RALGPS2: variants seen among roughly 807,000 people sequenced by gnomAD.
RALGPS2 encodes ras-specific guanine nucleotide-releasing factor RalGPS2.
A neutral mutation model predicts 86.8 loss-of-function variants in RALGPS2; 43 were observed. That is an observed-to-expected ratio of 0.50 (90% CI 0.39 to 0.64). RALGPS2 has a LOEUF of 0.64. RALGPS2 is among the 30% of genes least tolerant of loss of function. The probability of loss-of-function intolerance (pLI) is 0.00; values close to 1 mark genes in which losing one functional copy is unlikely to be tolerated. For synonymous variants in RALGPS2, 243 were observed against 231.3 expected (o/e 1.05, Z -0.46); for missense variants, 536 against 694.6 (o/e 0.77, Z 2.57).
At chr1:178,804,546 C>G (rs535900922) in intron 4 of RALGPS2, among the ~76,000 whole-genome samples, 1 of 134,076 alleles carries the variant, frequency 7.5e-6, no homozygotes, top group Non-Finnish European at 1.6e-5. Context: ...TTTGTTCTTG[C>G]GATAGTTTAC....
intron 1 of RALGPS2, among the ~76,000 whole-genome samples, chr1:178,748,618 T>A (rs1007431048): frequency 4.0e-5 from 6 of 151,440 alleles, no homozygotes; most frequent in Admixed American, 2.6e-4. Context: ...TTTGGGAGGC[T>A]GAGGCAGGTG....
chr1:178,771,716 G>A (rs1443399181), intron 1 of RALGPS2, among the ~76,000 whole-genome samples: 2 of 152,004 alleles, frequency 1.3e-5, no homozygotes, highest in East Asian at 1.9e-4. Flanking sequence ...TAAACCTAGC[G>A]ATAACCACAT....
intron 8 of RALGPS2, among the ~76,000 whole-genome samples, chr1:178,854,265 A>G (rs1407114034): frequency 6.6e-6 from 1 of 152,184 alleles, no homozygotes; most frequent in African/African-American, 2.4e-5. Context: ...ATCAGAGGAT[A>G]TCAGTTTATT....
intron 19 of RALGPS2, among the ~76,000 whole-genome samples, chr1:178,910,623 T>C (rs1027987967): frequency 7.2e-5 from 11 of 152,232 alleles, no homozygotes; most frequent in Admixed American, 6.5e-5. Flanking sequence ...TACTTGATTG[T>C]GGTGAATTAA....
chr1:178,845,160 C>G (rs1656811522), intron 8 of RALGPS2, among the ~76,000 whole-genome samples: 1 of 151,138 alleles, frequency 6.6e-6, no homozygotes, highest in South Asian at 2.1e-4. Flanking sequence ...TGTTGCAGTA[C>G]TCTGTACTGC....
At chr1:178,762,191 C>CT (rs1558107421) in intron 1 of RALGPS2, among the ~76,000 whole-genome samples, 2 of 152,130 alleles carry the variant, frequency 1.3e-5, no homozygotes. Flanking sequence ...TGATGTCACT[C>CT]TTTTTTATGG....
rs1326504161 is a variant in RALGPS2 at position 178,879,010 on chromosome 1, A to C, written c.836+18A>C. On this transcript the variant is annotated intron_variant, in intron 10 of 19. Coordinates refer to ENST00000367635, the MANE Select transcript of RALGPS2 (RefSeq NM_152663.5). ...AATTACAAGTAGGTTGGATCTTCAAAAGTGGTTTGTATAACTTTGTCCTGT... is the reference window on the plus strand; with the variant it reads ...AATTACAAGTAGGTTGGATCTTCAACAGTGGTTTGTATAACTTTGTCCTGT... 1.2e-6 allele frequency: 2 copies of C among 1,610,986 alleles called. No homozygotes were observed. The highest frequency in any genetic ancestry group is 4.5e-5 in the East Asian group (2 of 44,650).
rs1659377409 is a variant in RALGPS2 at position 178,884,138 on chromosome 1, A to G, written c.904+605A>G. Among the ~76,000 whole-genome samples the G allele has an allele frequency of 3.9e-5, 6 of 152,322 alleles. No individual in the cohort carries two copies. In the South Asian group the frequency reaches 1.0e-3, roughly 26 times the overall value. On this transcript the variant is annotated intron_variant, in intron 11 of 19. Coordinates refer to ENST00000367635, the MANE Select transcript of RALGPS2 (RefSeq NM_152663.5). ...GATTAAGAATGCACTGTCCTAGGCA[A>G]TGAAGGTTGATTACACTAGAAATTT...
chr1:178,820,854 A>T (rs1465192355), intron 6 of RALGPS2, among the ~76,000 whole-genome samples: 1 of 152,150 alleles, frequency 6.6e-6, no homozygotes, highest in Non-Finnish European at 1.5e-5. Flanking sequence ...CTTTCAATTA[A>T]ATGCTGTATC....
At chr1:178,773,533 T>C (rs1652910385) in intron 1 of RALGPS2, among the ~76,000 whole-genome samples, 1 of 152,236 alleles carries the variant, frequency 6.6e-6, no homozygotes, top group African/African-American at 2.4e-5. Flanking sequence ...CTTTTAGAAC[T>C]TGTAGTACTT....
At chr1:178,782,052 A>AT (rs1298298640) in intron 2 of RALGPS2, among the ~76,000 whole-genome samples, 1 of 152,178 alleles carries the variant, frequency 6.6e-6, no homozygotes, top group Non-Finnish European at 1.5e-5. Flanking sequence ...CTGAAAATCA[A>AT]TAACTCCTCT....
intron 8 of RALGPS2, among the ~76,000 whole-genome samples, chr1:178,852,345 T>C (rs1027834110): frequency 4.6e-5 from 7 of 152,228 alleles, no homozygotes; most frequent in Admixed American, 2.0e-4. Flanking sequence ...TTCACTGTTA[T>C]ATCCCTAGCA....
chr1:178,897,587 C>G, intron 16 of RALGPS2, 77 bp from the exon 17 acceptor site: 1 of 1,196,192 alleles, frequency 8.4e-7, no homozygotes, highest in Admixed American at 1.8e-5. Flanking sequence ...TGGACTTGAT[C>G]ATTGGCACTT....
At chr1:178,862,498 T>G (rs2102327546) in intron 8 of RALGPS2, among the ~76,000 whole-genome samples, 1 of 152,288 alleles carries the variant, frequency 6.6e-6, no homozygotes, top group African/African-American at 2.4e-5. Flanking sequence ...CAAAATGTCT[T>G]ATGTATGTTA....
intron 1 of RALGPS2, among the ~76,000 whole-genome samples, chr1:178,769,050 A>G (rs947043015): frequency 6.6e-6 from 1 of 151,762 alleles, no homozygotes; most frequent in Non-Finnish European, 1.5e-5. Context: ...TGAAGCAGAG[A>G]TGGGGACCCC....
Position 178,883,543 on chromosome 1 carries a change from T to C in RALGPS2, c.904+10T>C, listed in dbSNP as rs760508893. 102 of 1,598,388 alleles carry C rather than the reference T, an allele frequency of 6.4e-5. 2 individuals are homozygous for C. The Admixed American group carries it at 1.7e-3, about 26-fold the overall frequency. ...AGAGAAGATTTAGTAGGTCAGTACG[T>C]AGTTTTCTCTTGTTACCAAATCTAA... On this transcript the variant is annotated intron_variant, in intron 11 of 19. Transcript: ENST00000367635.
chr1:178,837,273 T>A (rs1656327066), intron 8 of RALGPS2, among the ~76,000 whole-genome samples: 1 of 152,216 alleles, frequency 6.6e-6, no homozygotes, highest in Non-Finnish European at 1.5e-5. Context: ...ACTAAAATAC[T>A]GATTCATTAA....
chr1:178,892,176 A>G, intron 14 of RALGPS2, 54 bp from the exon 15 acceptor site: 2 of 1,459,106 alleles, frequency 1.4e-6, no homozygotes, highest in Admixed American at 1.7e-5. Flanking sequence ...ATTGATAATG[A>G]CTGTGTGAAT....
intron 18 of RALGPS2, among the ~76,000 whole-genome samples, chr1:178,904,712 A>G (rs1660319987): frequency 1.3e-5 from 2 of 152,074 alleles, no homozygotes; most frequent in Non-Finnish European, 1.5e-5. Context: ...CTATGTGCCT[A>G]TTTTCATAGC....
Sources: allele counts gnomAD v4.1 joint callset (sites outside exome capture counted in the v4.1 genomes callset), GRCh38; gene constraint gnomAD v4.1.1; transcripts MANE v1.5; gene names NCBI Gene and HGNC (gene_info 2026-07-23, HGNC 2026-07-21).